HS3ST4: variants seen among roughly 807,000 people sequenced by gnomAD.
HS3ST4 encodes heparan sulfate-glucosamine 3-sulfotransferase 4.
Under a neutral mutation model 29.2 loss-of-function variants are expected in HS3ST4, and 17 were observed. The ratio of observed to expected loss-of-function variants is 0.58; its 90% CI spans 0.40 to 0.87. The LOEUF (loss-of-function observed/expected upper bound fraction) is 0.87, where lower values mean the gene tolerates loss of function less well. Ranked by LOEUF, HS3ST4 falls within the 40% of genes least tolerant of loss-of-function variation. The probability of loss-of-function intolerance (pLI) is 0.00; values close to 1 mark genes in which losing one functional copy is unlikely to be tolerated. For synonymous variants in HS3ST4, 314 were observed against 285.7 expected (o/e 1.10, Z -1.00); for missense variants, 627 against 634.5 (o/e 0.99, Z 0.13).
chr16:26,088,712 G>T (rs112948947), intron 1 of HS3ST4, among the ~76,000 whole-genome samples: 2,551 of 152,250 alleles, frequency 0.017, 33 homozygotes, highest in Non-Finnish European at 0.023. Context: ...CTGTGACTTT[G>T]AGCTTCAACT....
At chr16:26,002,363 C>G (rs1596640859) in intron 1 of HS3ST4, among the ~76,000 whole-genome samples, 1 of 152,166 alleles carries the variant, frequency 6.6e-6, no homozygotes, top group South Asian at 2.1e-4. Flanking sequence ...TACCCCAGAG[C>G]ACCTGAGACA....
intron 1 of HS3ST4, among the ~76,000 whole-genome samples, chr16:26,124,073 A>C (rs542867932): frequency 6.6e-6 from 1 of 152,138 alleles, no homozygotes; most frequent in East Asian, 1.9e-4. Context: ...GGCAGGTGCC[A>C]CCACACCCGT....
intron 1 of HS3ST4, among the ~76,000 whole-genome samples, chr16:25,711,007 G>T (rs1030938924): frequency 1.3e-5 from 2 of 150,460 alleles, no homozygotes; most frequent in African/African-American, 4.9e-5. Flanking sequence ...TTTTTGTGTA[G>T]TGATGGGGTC....
intron 1 of HS3ST4, among the ~76,000 whole-genome samples, chr16:26,057,080 C>A (rs1355702578): frequency 6.6e-6 from 1 of 152,130 alleles, no homozygotes; most frequent in East Asian, 1.9e-4. Context: ...CTCATTAGAG[C>A]ACTTTTGGAT....
intron 1 of HS3ST4, among the ~76,000 whole-genome samples, chr16:25,712,824 G>A (rs1476016389): frequency 6.6e-6 from 1 of 152,126 alleles, no homozygotes; most frequent in Admixed American, 6.5e-5. Context: ...CAAGAGACTG[G>A]GTGACAAACA....
At chr16:25,866,330 G>A (rs1967694288) in intron 1 of HS3ST4, among the ~76,000 whole-genome samples, 1 of 152,154 alleles carries the variant, frequency 6.6e-6, no homozygotes, top group Non-Finnish European at 1.5e-5. Context: ...CTTTTGCTTA[G>A]AGAGTTTATT....
intron 1 of HS3ST4, among the ~76,000 whole-genome samples, chr16:26,026,504 A>T (rs892248450): frequency 1.3e-5 from 2 of 152,192 alleles, no homozygotes; most frequent in Non-Finnish European, 2.9e-5. Flanking sequence ...TCAGTTTTCC[A>T]TGCAGGCTAG....
chr16:25,957,255 C>A (rs1483847638), intron 1 of HS3ST4, among the ~76,000 whole-genome samples: 1 of 152,192 alleles, frequency 6.6e-6, no homozygotes, highest in Non-Finnish European at 1.5e-5. Flanking sequence ...CATAGCACAG[C>A]AGCAGCTTGA....
At chr16:26,135,019 GT>G (rs201865809) in intron 1 of HS3ST4, among the ~76,000 whole-genome samples, 3 of 150,172 alleles carry the variant, frequency 2.0e-5, no homozygotes, top group Admixed American at 6.6e-5. Context: ...TATCTTTTTG[GT>G]TTTTTTTTCA....
At chr16:25,877,151 C>A (rs1487902669) in intron 1 of HS3ST4, among the ~76,000 whole-genome samples, 1 of 152,008 alleles carries the variant, frequency 6.6e-6, no homozygotes, top group South Asian at 2.1e-4. Flanking sequence ...AGTTCATGCC[C>A]TAAATCCTAA....
At chr16:25,898,769 A>G (rs552470936) in intron 1 of HS3ST4, among the ~76,000 whole-genome samples, 1 of 152,356 alleles carries the variant, frequency 6.6e-6, no homozygotes, top group South Asian at 2.1e-4. Flanking sequence ...TTTGTGCTAA[A>G]AATGGGGCAT....
intron 1 of HS3ST4, among the ~76,000 whole-genome samples, chr16:25,883,352 G>C (rs764725884): frequency 1.3e-5 from 2 of 149,208 alleles, no homozygotes; most frequent in Non-Finnish European, 3.0e-5. Context: ...GCCAAGTACT[G>C]ACTCTTTCTC....
At chr16:25,944,383 T>C (rs1421963681) in intron 1 of HS3ST4, among the ~76,000 whole-genome samples, 1 of 152,200 alleles carries the variant, frequency 6.6e-6, no homozygotes, top group African/African-American at 2.4e-5. Flanking sequence ...AGTTCCCCCC[T>C]GGGAATGTTG....
chr16:25,828,046 T>C (rs1967237949), intron 1 of HS3ST4, among the ~76,000 whole-genome samples: 1 of 152,190 alleles, frequency 6.6e-6, no homozygotes, highest in East Asian at 1.9e-4. Context: ...AGGTAAATTG[T>C]GTGCTGCAGG....
At chr16:26,120,071 A>G (rs56152815) in intron 1 of HS3ST4, among the ~76,000 whole-genome samples, 59,177 of 134,894 alleles carry the variant, frequency 0.44, 12,401 homozygotes, top group African/African-American at 0.59. Context: ...GTGTGTGTGT[A>G]TGTGTGTGTG....
At chr16:25,728,459 A>G (rs1032093493) in intron 1 of HS3ST4, among the ~76,000 whole-genome samples, 1 of 152,198 alleles carries the variant, frequency 6.6e-6, no homozygotes, top group African/African-American at 2.4e-5. Flanking sequence ...ATCGCTGTTG[A>G]TTGGATTAAA....
chr16:25,752,736 C>T (rs1048568209), intron 1 of HS3ST4, among the ~76,000 whole-genome samples: 5 of 152,138 alleles, frequency 3.3e-5, no homozygotes, highest in East Asian at 1.9e-4. Context: ...TTTATTTCCC[C>T]GATAGGTCTG....
chr16:25,768,981 A>G (rs952363152), intron 1 of HS3ST4, among the ~76,000 whole-genome samples: 1 of 151,584 alleles, frequency 6.6e-6, no homozygotes, highest in Non-Finnish European at 1.5e-5. Flanking sequence ...CCTTTGGTCC[A>G]CTCCACTCAC....
chr16:25,722,661 G>A (rs1966505776), intron 1 of HS3ST4, among the ~76,000 whole-genome samples: 1 of 152,180 alleles, frequency 6.6e-6, no homozygotes, highest in South Asian at 2.1e-4. Flanking sequence ...AAAACACAGG[G>A]CAGTGAGGCA....
Sources: allele counts gnomAD v4.1 joint callset (sites outside exome capture counted in the v4.1 genomes callset), GRCh38; gene constraint gnomAD v4.1.1; transcripts MANE v1.5; gene names NCBI Gene and HGNC (gene_info 2026-07-23, HGNC 2026-07-21).